Variants in SLC5A1 observed in about 807,000 individuals in gnomAD.
SLC5A1 encodes the protein solute carrier family 5 member 1.
A neutral mutation model predicts 73.5 loss-of-function variants in SLC5A1; 42 were observed. The observed-to-expected ratio is 0.57, with a 90% CI of 0.45 to 0.74. The LOEUF (loss-of-function observed/expected upper bound fraction) is 0.74, where lower values mean the gene tolerates loss of function less well. Among genes scored for constraint, SLC5A1 ranks in the 30% least tolerant of loss-of-function variants. SLC5A1 has a pLI of 0.00. For synonymous variants in SLC5A1, 300 were observed against 317.4 expected (o/e 0.95, Z 0.58); for missense variants, 634 against 855.4 (o/e 0.74, Z 3.23).
intron 2 of SLC5A1, among the ~76,000 whole-genome samples, chr22:32,059,914 T>C (rs947517292): frequency 2.0e-5 from 3 of 151,906 alleles, no homozygotes; most frequent in Admixed American, 1.3e-4. Context: ...GGGGCCTCCC[T>C]GGTGAGATCA....
rs994956819 is a variant in SLC5A1, at chr22:32,083,171, C to A, written c.664+17C>A. ...CTGGGTTTGGTAAGTGGGGCCAGGG[C>A]AGGCTGAGGAGGTGGGAGCAGAGGT... On this transcript the variant is annotated intron_variant, in intron 7 of 14. Coordinates refer to ENST00000266088, the MANE Select transcript of SLC5A1 (RefSeq NM_000343.4). 1 of 1,608,826 alleles carries A rather than the reference C, an allele frequency of 6.2e-7. No individual in the cohort carries two copies. Among genetic ancestry groups the A allele is most frequent in the East Asian group, 2.2e-5 (1 of 44,872 alleles).
intron 4 of SLC5A1, 101 bp downstream of exon 4, chr22:32,068,127 A>G (rs1001464493): frequency 4.3e-5 from 50 of 1,160,974 alleles, no homozygotes; most frequent in Admixed American, 2.0e-4. Context: ...AATGGCAGAA[A>G]AATCTGTGGA....
chr22:32,085,529 TC>T (rs1379775182), intron 9 of SLC5A1, among the ~76,000 whole-genome samples: 2 of 151,316 alleles, frequency 1.3e-5, no homozygotes, highest in Non-Finnish European at 2.9e-5. Flanking sequence ...GTTTCTTATG[TC>T]GACAATTGTT....
At chr22:32,081,994 G>A in intron 6 of SLC5A1, 23 bp downstream of exon 6, 1 of 1,493,654 alleles carries the variant, frequency 6.7e-7, no homozygotes, top group Non-Finnish European at 9.3e-7. Context: ...AAATAAACCA[G>A]CACCTCAAAC....
At chr22:32,060,600 T>G (rs1462483628) in intron 2 of SLC5A1, among the ~76,000 whole-genome samples, 1 of 152,190 alleles carries the variant, frequency 6.6e-6, no homozygotes, top group Non-Finnish European at 1.5e-5. Context: ...GGACACGGTC[T>G]TATTCTGTCC....
intron 6 of SLC5A1, among the ~76,000 whole-genome samples, chr22:32,082,500 T>C (rs1160013264): frequency 1.3e-5 from 2 of 151,916 alleles, no homozygotes; most frequent in Admixed American, 1.3e-4. Flanking sequence ...GGAGCCCCTG[T>C]AAGGAGGGAG....
At chr22:32,104,585 T>C (rs558449965) in intron 13 of SLC5A1, among the ~76,000 whole-genome samples, 1 of 152,362 alleles carries the variant, frequency 6.6e-6, no homozygotes, top group Non-Finnish European at 1.5e-5. Flanking sequence ...GAGGCTAGTA[T>C]ATACATGTAT....
chr22:32,059,023 A>G (rs534045817), intron 2 of SLC5A1: 1 of 762,018 alleles, frequency 1.3e-6, no homozygotes, highest in Non-Finnish European at 1.6e-6. Flanking sequence ...ATTTGATATC[A>G]CTTACTCACT....
At chr22:32,064,088 A>G (rs2093968262) in intron 2 of SLC5A1, among the ~76,000 whole-genome samples, 1 of 152,208 alleles carries the variant, frequency 6.6e-6, no homozygotes, top group African/African-American at 2.4e-5. Flanking sequence ...TCTGGTAATT[A>G]TGTCCTTAAT....
At chr22:32,068,660 C>T in intron 5 of SLC5A1, 60 bp downstream of exon 5, 1 of 1,138,710 alleles carries the variant, frequency 8.8e-7, no homozygotes, top group Admixed American at 1.7e-5. Flanking sequence ...CATTCCTCAT[C>T]ACATGCTGCC....
chr22:32,075,712 G>C (rs2093989822), intron 5 of SLC5A1, among the ~76,000 whole-genome samples: 1 of 152,104 alleles, frequency 6.6e-6, no homozygotes, highest in African/African-American at 2.4e-5. Context: ...GAGAACATCA[G>C]CTGCACACTG....
intron 14 of SLC5A1, among the ~76,000 whole-genome samples, chr22:32,107,547 A>AC (rs1180143533): frequency 2.0e-5 from 3 of 152,214 alleles, no homozygotes; most frequent in South Asian, 2.1e-4. Flanking sequence ...CATGCCTCTT[A>AC]TGCTCTGCTG....
At chr22:32,063,447 A>C (rs1364150327) in intron 2 of SLC5A1, among the ~76,000 whole-genome samples, 2 of 152,202 alleles carry the variant, frequency 1.3e-5, no homozygotes, top group Admixed American at 6.5e-5. Context: ...AGAGAGTAAG[A>C]GGTCAAGAAA....
chr22:32,090,321 G>A (rs1361998691), intron 10 of SLC5A1, among the ~76,000 whole-genome samples: 1 of 152,090 alleles, frequency 6.6e-6, no homozygotes, highest in Non-Finnish European at 1.5e-5. Context: ...CAACCTCCCA[G>A]TCCCTGGCAA....
chr22:32,051,009 AGGG>A lies in SLC5A1; in HGVS notation c.207+997_207+999del, dbSNP rs1404301088. On this transcript the variant is annotated intron_variant, in intron 2 of 14. Coordinates refer to ENST00000266088, the MANE Select transcript of SLC5A1 (RefSeq NM_000343.4). ...TGATGGTAGGAAAGCTGTGAAGCTCAGGGGCTGAGCTTCGAAGGGGAATTCCCC... is the reference window on the plus strand; with the variant it reads ...TGATGGTAGGAAAGCTGTGAAGCTCAGCTGAGCTTCGAAGGGGAATTCCCC... Among the ~76,000 whole-genome samples, 4 of 152,216 alleles carry A rather than the reference AGGG, an allele frequency of 2.6e-5. No individual in the cohort carries two copies. The East Asian group carries it at 5.8e-4, about 22-fold the overall frequency.
chr22:32,104,654 G>A, intron 13 of SLC5A1, 132 bp from the exon 14 acceptor site: 4 of 715,974 alleles, frequency 5.6e-6, no homozygotes, highest in Non-Finnish European at 1.0e-5. Context: ...GAGAATCGTT[G>A]TGTATGTTCT....
intron 2 of SLC5A1, among the ~76,000 whole-genome samples, chr22:32,053,531 A>T (rs1002907033): frequency 5.9e-5 from 9 of 152,094 alleles, no homozygotes; most frequent in African/African-American, 2.2e-4. Context: ...CACTCCATGT[A>T]TTCTTGGTGT....
At chr22:32,056,541 C>T (rs1366794892) in intron 2 of SLC5A1, among the ~76,000 whole-genome samples, 3 of 140,516 alleles carry the variant, frequency 2.1e-5, no homozygotes, top group Non-Finnish European at 4.5e-5. Flanking sequence ...TCTGCATATT[C>T]AAGATAGGCA....
intron 5 of SLC5A1, among the ~76,000 whole-genome samples, chr22:32,075,884 C>T (rs769376947): frequency 2.4e-4 from 37 of 152,166 alleles, no homozygotes; most frequent in Non-Finnish European, 4.9e-4. Context: ...ATCAACTGTA[C>T]CTGCTAGAAG....
Sources: gnomAD v4.1 joint callset for allele counts (sites outside exome capture counted in the v4.1 genomes callset) on GRCh38, gnomAD v4.1.1 for gene constraint, MANE v1.5 for transcripts, NCBI Gene and HGNC (gene_info 2026-07-23, HGNC 2026-07-21) for gene names.